EML6: variants seen among roughly 807,000 people sequenced by gnomAD.
EML6 encodes the protein EMAP like 6, also known as echinoderm microtubule-associated protein-like 6.
EML6 carries 154 observed loss-of-function variants against 240.1 expected under a neutral mutation model. The ratio of observed to expected loss-of-function variants is 0.64; its 90% CI spans 0.56 to 0.73. The LOEUF is 0.73. Among genes scored for constraint, EML6 ranks in the 30% least tolerant of loss-of-function variants. EML6 has a pLI of 0.00. For synonymous variants in EML6, 1,148 were observed against 899.0 expected (o/e 1.28, Z -4.95); for missense variants, 2,964 against 2,474.6 (o/e 1.20, Z -4.20).
chr2:54,816,984 A>G (rs1298503161), intron 4 of EML6, 99 bp downstream of exon 4: 6 of 732,648 alleles, frequency 8.2e-6, no homozygotes, highest in Non-Finnish European at 1.4e-5. Context: ...TAAATATTTC[A>G]GTATACATTT....
At chr2:54,891,228 G>GT in intron 18 of EML6, 74 bp downstream of exon 18, 1 of 706,272 alleles carries the variant, frequency 1.4e-6, no homozygotes, top group Non-Finnish European at 2.4e-6. Flanking sequence ...AAAACAAACT[G>GT]TTGCTACTAC....
intron 35 of EML6, 55 bp downstream of exon 35, chr2:54,960,389 A>G (rs927650873): frequency 2.0e-5 from 27 of 1,322,614 alleles, no homozygotes; most frequent in Non-Finnish European, 2.4e-5. Context: ...AAGTGTAGGT[A>G]CCCTCCCAGC....
chr2:54,821,090 T>G (rs1359229490), intron 5 of EML6, among the ~76,000 whole-genome samples: 1 of 152,196 alleles, frequency 6.6e-6, no homozygotes, highest in East Asian at 1.9e-4. Flanking sequence ...GCCCAGGATC[T>G]TCTTTCTCTA....
At chr2:54,797,160 A>G (rs1251779940) in intron 2 of EML6, among the ~76,000 whole-genome samples, 3 of 129,188 alleles carry the variant, frequency 2.3e-5, no homozygotes, top group Non-Finnish European at 4.8e-5. Context: ...GCAAGACTCC[A>G]TCTCAAAAAA....
chr2:54,912,349 G>T (rs1209468987), intron 25 of EML6, among the ~76,000 whole-genome samples: 2 of 152,076 alleles, frequency 1.3e-5, no homozygotes, highest in Middle Eastern at 6.8e-3. Flanking sequence ...TTTTAATTAC[G>T]TCCTTCATTC....
In EML6 at chr2:54,956,599, G is replaced by C. The variant is rs529972640; in HGVS notation, c.4487-1191G>C. On this transcript the variant is annotated intron_variant, in intron 32 of 41. Coordinates refer to ENST00000356458, the MANE Select transcript of EML6 (RefSeq NM_001039753.4). ...CAGTAAGTCAGAGATTCCATATGCA[G>C]AGAGAATTACAGCTGGGAGAAGTTC... is the stretch of plus-strand genomic sequence containing the variant. Among the ~76,000 whole-genome samples the C allele has an allele frequency of 1.1e-4, 16 of 151,382 alleles. No homozygotes were observed. The East Asian group carries it at 3.1e-3, about 30-fold the overall frequency.
At chr2:54,910,066 AAT>A (rs1673559507) in intron 24 of EML6, among the ~76,000 whole-genome samples, 1 of 152,176 alleles carries the variant, frequency 6.6e-6, no homozygotes, top group African/African-American at 2.4e-5. Flanking sequence ...TTATAGGTGA[AAT>A]ATTATGACGT....
At position 54,962,760 on chromosome 2, in the gene EML6, G is replaced by A. The variant is rs191431928; in HGVS notation, c.5157+49G>A. ...CAGATGCCCACGAGTGGGCTGCGCG[G>A]CAGTGGGAGCTGAGCGAGGAGAGGC... On this transcript the variant is annotated intron_variant, in intron 36 of 41. Coordinates refer to ENST00000356458, the MANE Select transcript of EML6 (RefSeq NM_001039753.4). The A allele has an allele frequency of 4.0e-4, 561 of 1,397,170 alleles. 2 individuals are homozygous for A. In the African/African-American group the frequency reaches 4.8e-3, roughly 12 times the overall value. 86.5% of individuals were successfully genotyped at this position (1,397,170 alleles called of 1,614,324 possible).
chr2:54,903,876 C>A (rs930441652), intron 24 of EML6, among the ~76,000 whole-genome samples: 1 of 152,172 alleles, frequency 6.6e-6, no homozygotes, highest in Non-Finnish European at 1.5e-5. Context: ...ACCCAAAGCT[C>A]CACCTCTTGG....
At chr2:54,816,917 T>A in intron 4 of EML6, 32 bp downstream of exon 4, 2 of 1,419,658 alleles carry the variant, frequency 1.4e-6, no homozygotes, top group Non-Finnish European at 1.9e-6. Context: ...CTATGCAGAT[T>A]TCAGAACTTG....
At chr2:54,864,659 T>C (rs1170311735) in intron 13 of EML6, among the ~76,000 whole-genome samples, 1 of 152,158 alleles carries the variant, frequency 6.6e-6, no homozygotes, top group East Asian at 1.9e-4. Context: ...GTGTCGCCAA[T>C]AGAGATTTAA....
intron 2 of EML6, among the ~76,000 whole-genome samples, chr2:54,746,211 T>C (rs1320600302): frequency 6.6e-6 from 1 of 152,246 alleles, no homozygotes; most frequent in African/African-American, 2.4e-5. Context: ...CTGGAAGATT[T>C]AAGAGTTGTC....
chr2:54,837,393 T>C (rs1469925912), intron 7 of EML6, among the ~76,000 whole-genome samples: 2 of 152,236 alleles, frequency 1.3e-5, no homozygotes, highest in African/African-American at 4.8e-5. Flanking sequence ...ACGTATTTAC[T>C]AGCCCCGTTG....
chr2:54,739,920 C>T (rs1201984950), intron 2 of EML6, among the ~76,000 whole-genome samples: 2 of 152,052 alleles, frequency 1.3e-5, no homozygotes, highest in South Asian at 2.1e-4. Flanking sequence ...ACTCTTGATT[C>T]CTGGTGATGG....
At chr2:54,892,693 G>A (rs1418690157) in intron 19 of EML6, 37 bp downstream of exon 19, 144 of 1,501,508 alleles carry the variant, frequency 9.6e-5, no homozygotes, top group Non-Finnish European at 7.2e-6. Context: ...TTCCTCATCA[G>A]CCTTCTAAAA....
chr2:54,855,766 T>G (rs7596552), intron 11 of EML6, among the ~76,000 whole-genome samples: 75,301 of 151,910 alleles, frequency 0.5, 18,933 homozygotes, highest in Middle Eastern at 0.55. Flanking sequence ...ATCTTGTAAT[T>G]TGCCTCTGAG....
intron 22 of EML6, among the ~76,000 whole-genome samples, chr2:54,901,225 A>T (rs1424441801): frequency 6.6e-6 from 1 of 152,194 alleles, no homozygotes; most frequent in African/African-American, 2.4e-5. Flanking sequence ...ATGGAACCAA[A>T]TTCAAACCCA....
At chr2:54,890,427 G>A (rs1277624232) in intron 17 of EML6, among the ~76,000 whole-genome samples, 1 of 152,066 alleles carries the variant, frequency 6.6e-6, no homozygotes, top group African/African-American at 2.4e-5. Context: ...CTACAGCCCA[G>A]GTCTACAATG....
chr2:54,865,456 C>G (rs1670923504), intron 13 of EML6, among the ~76,000 whole-genome samples: 1 of 151,932 alleles, frequency 6.6e-6, no homozygotes, highest in African/African-American at 2.4e-5. Context: ...AGAGCAAGAC[C>G]CTGTCTCTAA....
Sources: allele counts gnomAD v4.1 joint callset (sites outside exome capture counted in the v4.1 genomes callset), GRCh38; gene constraint gnomAD v4.1.1; transcripts MANE v1.5; gene names NCBI Gene and HGNC (gene_info 2026-07-23, HGNC 2026-07-21).